The following HS3ST5 variants were observed in gnomAD, a reference collection of about 807,000 sequenced individuals.
HS3ST5 encodes heparan sulfate glucosamine 3-O-sulfotransferase 5.
In HS3ST5, 10 loss-of-function variants were observed where a neutral mutation model predicts 25.4. That is an observed-to-expected ratio of 0.39 (90% CI 0.24 to 0.67). HS3ST5 has a LOEUF of 0.67. Ranked by LOEUF, HS3ST5 falls within the 30% of genes least tolerant of loss-of-function variation. The pLI is 0.44. For missense variants in HS3ST5, 324 were observed against 420.7 expected (o/e 0.77, Z 2.01); for synonymous variants, 170 against 162.4 (o/e 1.05, Z -0.36).
At chr6:114,097,479 T>C (rs1371924748) in intron 3 of HS3ST5, among the ~76,000 whole-genome samples, 1 of 151,962 alleles carries the variant, frequency 6.6e-6, no homozygotes, top group Admixed American at 6.6e-5. Flanking sequence ...CTTTATATTG[T>C]ATATTGTAAT....
chr6:114,292,298 G>A (rs1774614261), intron 1 of HS3ST5, among the ~76,000 whole-genome samples: 1 of 152,162 alleles, frequency 6.6e-6, no homozygotes, highest in Non-Finnish European at 1.5e-5. Flanking sequence ...GTGGCGTCTG[G>A]TGTGGGCCTT....
intron 3 of HS3ST5, among the ~76,000 whole-genome samples, chr6:114,111,047 C>T (rs569530892): frequency 6.6e-5 from 10 of 152,218 alleles, no homozygotes; most frequent in Non-Finnish European, 1.3e-4. Context: ...CATATTCACC[C>T]CCAAAGTATA....
chr6:114,093,662 G>A (rs1044954056), intron 3 of HS3ST5, among the ~76,000 whole-genome samples: 3 of 151,592 alleles, frequency 2.0e-5, no homozygotes, highest in African/African-American at 7.3e-5. Flanking sequence ...CCATTGTGCA[G>A]TATCTATTCA....
intron 1 of HS3ST5, among the ~76,000 whole-genome samples, chr6:114,289,118 T>C (rs764199740): frequency 6.6e-6 from 1 of 152,180 alleles, no homozygotes; most frequent in Non-Finnish European, 1.5e-5. Flanking sequence ...ATTTTTCTAA[T>C]GTTATCCTTT....
chr6:114,223,650 G>T (rs1023200012), intron 2 of HS3ST5, among the ~76,000 whole-genome samples: 4 of 151,658 alleles, frequency 2.6e-5, no homozygotes, highest in Admixed American at 2.6e-4. Flanking sequence ...AATCAAAAAA[G>T]TTTTATGCAT....
At chr6:114,064,536 C>T (rs1455020858) in intron 3 of HS3ST5, among the ~76,000 whole-genome samples, 1 of 152,150 alleles carries the variant, frequency 6.6e-6, no homozygotes, top group Non-Finnish European at 1.5e-5. Context: ...GGTAGGAGGG[C>T]ATCCTAAGAG....
At chr6:114,209,023 T>A (rs1332841096) in intron 2 of HS3ST5, among the ~76,000 whole-genome samples, 1 of 152,166 alleles carries the variant, frequency 6.6e-6, no homozygotes, top group Non-Finnish European at 1.5e-5. Flanking sequence ...CAAGGGATCA[T>A]AACAATTGCT....
chr6:114,327,617 G>A (rs879932934), intron 1 of HS3ST5, among the ~76,000 whole-genome samples: 12 of 151,994 alleles, frequency 7.9e-5, no homozygotes, highest in Admixed American at 2.6e-4. Flanking sequence ...GTGAAAACAC[G>A]CTATATTATC....
At chr6:114,125,211 A>G (rs1009264985) in intron 3 of HS3ST5, among the ~76,000 whole-genome samples, 1 of 152,246 alleles carries the variant, frequency 6.6e-6, no homozygotes, top group Non-Finnish European at 1.5e-5. Context: ...GCTTTCTAGC[A>G]TCACATATCA....
At chr6:114,104,120 T>A (rs1259615877) in intron 3 of HS3ST5, among the ~76,000 whole-genome samples, 2 of 152,084 alleles carry the variant, frequency 1.3e-5, no homozygotes, top group African/African-American at 4.8e-5. Context: ...ACTGTAGAGA[T>A]CTTTATAAGC....
chr6:114,203,083 T>C (rs1781104229), intron 2 of HS3ST5, among the ~76,000 whole-genome samples: 1 of 152,242 alleles, frequency 6.6e-6, no homozygotes, highest in East Asian at 1.9e-4. Context: ...TTTGTACATT[T>C]GTACATTTCA....
intron 1 of HS3ST5, among the ~76,000 whole-genome samples, chr6:114,240,051 A>G (rs1349194617): frequency 6.6e-6 from 1 of 151,002 alleles, no homozygotes; most frequent in Non-Finnish European, 1.5e-5. Flanking sequence ...ACTCTCTATT[A>G]CACTGGCAAT....
At chr6:114,060,438 T>C (rs867898912) in intron 4 of HS3ST5, among the ~76,000 whole-genome samples, 9 of 152,350 alleles carry the variant, frequency 5.9e-5, no homozygotes, top group African/African-American at 1.9e-4. Flanking sequence ...AAATTATCAA[T>C]AGATACATAG....
rs139957115 is a variant in HS3ST5 at position 114,205,989 on chromosome 6, G to A, written c.-145+22596C>T. On this transcript the variant is annotated intron_variant, in intron 2 of 4. Transcript: ENST00000312719. ...AACAGGCTATGGACCAGTACCAGGG[G>A]GTTGGGGACCCCTGCTCTAATTCCT... 2.6e-4 allele frequency among the ~76,000 whole-genome samples: 39 copies of A among 152,232 alleles called. No homozygotes were observed. In the East Asian group the frequency reaches 6.0e-3, roughly 23 times the overall value.
At chr6:114,249,320 T>G (rs2114619008) in intron 1 of HS3ST5, among the ~76,000 whole-genome samples, 1 of 152,376 alleles carries the variant, frequency 6.6e-6, no homozygotes, top group African/African-American at 2.4e-5. Flanking sequence ...GTACTTTAAT[T>G]GTGTCAACAA....
chr6:114,057,430 T>A lies in HS3ST5; in HGVS notation c.868A>T (p.Arg290Ter). ...TTAAACCGCAAGCAGTAAAACCCTC[T>A]GGTAGCATTGAAGTATAAATTGTAT... is the stretch of plus-strand genomic sequence containing the variant. The part of the protein sequence containing the change: ...SQYNLYFNAT[R>*]GFYCLRFNII... Residue 290 changes from arginine to a stop codon, truncating the protein, a stop_gained, in exon 5 of 5, where the codon AGA becomes TGA. Coordinates refer to ENST00000312719, the MANE Select transcript of HS3ST5 (RefSeq NM_153612.4). LOFTEE classifies it high-confidence loss of function. 1 of 1,614,150 alleles carries A rather than the reference T, an allele frequency of 6.2e-7. No homozygotes were observed. The highest frequency in any genetic ancestry group is 8.5e-7 in the Non-Finnish European group (1 of 1,180,034).
intron 3 of HS3ST5, among the ~76,000 whole-genome samples, chr6:114,133,486 G>T (rs1048379577): frequency 2.0e-5 from 3 of 152,172 alleles, no homozygotes; most frequent in African/African-American, 4.8e-5. Context: ...CTATACAGTG[G>T]TGGTGTTTTC....
intron 3 of HS3ST5, among the ~76,000 whole-genome samples, chr6:114,086,980 T>C (rs144330248): frequency 5.0e-4 from 76 of 152,338 alleles, no homozygotes; most frequent in African/African-American, 1.7e-3. Flanking sequence ...CTGTAAACTA[T>C]TGTCTTCACA....
intron 3 of HS3ST5, among the ~76,000 whole-genome samples, chr6:114,103,857 A>ATTTTTTTTTT (rs71553394): frequency 8.4e-5 from 9 of 107,126 alleles, no homozygotes; most frequent in African/African-American, 1.1e-4. Context: ...CACCTGGCTA[A>ATTTTTTTTTT]TTTTTTTTTT....
Sources: allele counts gnomAD v4.1 joint callset (sites outside exome capture counted in the v4.1 genomes callset), GRCh38; gene constraint gnomAD v4.1.1; transcripts MANE v1.5; gene names NCBI Gene and HGNC (gene_info 2026-07-23, HGNC 2026-07-21).